Variants in SLC47A2 observed in about 807,000 individuals in gnomAD.
The protein encoded by SLC47A2 is multidrug and toxin extrusion protein 2.
Under a neutral mutation model 67.7 loss-of-function variants are expected in SLC47A2, and 52 were observed. The observed-to-expected ratio is 0.77, with a 90% CI of 0.61 to 0.97. SLC47A2 has a LOEUF of 0.97. Ranked by LOEUF, SLC47A2 falls within the 50% of genes least tolerant of loss-of-function variation. The pLI is 0.00. For synonymous variants in SLC47A2, 278 were observed against 292.9 expected, an observed-to-expected ratio of 0.95 and a Z score of 0.52; for missense variants, 676 against 712.3, an observed-to-expected ratio of 0.95 and a Z score of 0.58.
chr17:19,709,435 T>C (rs1198095128), intron 5 of SLC47A2, among the ~76,000 whole-genome samples: 1 of 152,146 alleles, frequency 6.6e-6, no homozygotes, highest in African/African-American at 2.4e-5. Flanking sequence ...TCTTCACTTA[T>C]TTTCAGCATA....
At chr17:19,706,818 G>T in intron 8 of SLC47A2, 57 bp from the exon 9 acceptor site, 1 of 1,367,962 alleles carries the variant, frequency 7.3e-7, no homozygotes, top group Non-Finnish European at 1.0e-6. Context: ...CCTCATTCCT[G>T]CTCCCCACTG....
chr17:19,708,843 A>G (rs1021445385), intron 5 of SLC47A2, 83 bp from the exon 6 acceptor site: 2 of 1,516,708 alleles, frequency 1.3e-6, no homozygotes, highest in African/African-American at 2.7e-5. Flanking sequence ...CCTTTCCAGG[A>G]CATAGTACCC....
At chr17:19,708,790 A>T in intron 5 of SLC47A2, 30 bp from the exon 6 acceptor site, 1 of 1,613,334 alleles carries the variant, frequency 6.2e-7, no homozygotes, top group Non-Finnish European at 8.5e-7. Context: ...AAACAAATCA[A>T]CAATAATGAC....
chr17:19,715,300 A>C (rs2086223588), intron 1 of SLC47A2, 83 bp from the exon 2 acceptor site: 2 of 1,282,822 alleles, frequency 1.6e-6, no homozygotes, highest in Non-Finnish European at 2.2e-6. Context: ...TCCAGCTTTG[A>C]GGGCCCCGCA....
intron 4 of SLC47A2, 51 bp downstream of exon 4, chr17:19,713,774 C>G: frequency 6.3e-7 from 1 of 1,578,032 alleles, no homozygotes; most frequent in South Asian, 1.1e-5. Context: ...TTTCCCTCGG[C>G]GGCCCGGGTT....
At chr17:19,716,179 G>C (rs760503193) in intron 1 of SLC47A2, 5 of 488,166 alleles carry the variant, frequency 1.0e-5, no homozygotes, top group Non-Finnish European at 1.8e-5. Context: ...TGGGTTTCCA[G>C]CTGAGGCACA....
Position 19,702,991 on chromosome 17 carries a change from C to T in SLC47A2, c.1094+101G>A, listed in dbSNP as rs537295262. On this transcript the variant is annotated intron_variant, in intron 12 of 16. Transcript: ENST00000433844. Reference sequence around the variant, plus strand: ...GCCAAGCCTGGGCTCTTCCTGCTTCCTTTGGGCCCAGCACTGAGCCAGGAA... The same window carrying T: ...GCCAAGCCTGGGCTCTTCCTGCTTCTTTTGGGCCCAGCACTGAGCCAGGAA... 149 of 1,321,426 alleles carry T rather than the reference C, an allele frequency of 1.1e-4. No homozygotes were observed. In the African/African-American group the frequency reaches 1.9e-3, roughly 17 times the overall value. The allele number at this position is 1,321,426 out of a possible 1,614,324, so 81.9% of individuals were successfully genotyped here. A position where few individuals can be genotyped will look rare whatever the true frequency, so the allele number is the denominator to read the frequency against.
rs1401212778 is a variant in SLC47A2, at chr17:19,713,888, C to T, written c.380G>A (p.Trp127Ter). Residue 127 changes from tryptophan (W) to a stop codon, truncating the protein, a stop_gained, in exon 4 of 17, where the codon TGG becomes TAG. Transcript: ENST00000433844. LOFTEE classifies it high-confidence loss of function. The part of the protein sequence containing the change: ...LVLLLCCLPC[W>*]ALFLNTQHIL... ...GTGCTGGGTGTTGAGGAAGAGCGCC[C>T]AGCAAGGGAGGCAGCAGAGGAGCAG... 1 of 1,613,724 alleles carries T rather than the reference C, an allele frequency of 6.2e-7. No homozygotes were observed.
At chr17:19,693,000 G>A (rs549775030) in intron 13 of SLC47A2, among the ~76,000 whole-genome samples, 1 of 152,078 alleles carries the variant, frequency 6.6e-6, no homozygotes, top group African/African-American at 2.4e-5. Context: ...GTGTGGTGGT[G>A]CGTGCCTGTA....
rs79276977 is a variant in SLC47A2, at chr17:19,702,623, G to A, written c.1146C>T (p.His382=). ...TACTTACACAGATGGCCTCAAACAC[G>A]TGAAAGACACTATAAACCGGCAAGA... ...SQVLPVYSVF[H]VFEAICCVYG... is the part of the protein sequence containing the mutation. The change falls in exon 13 of 17, where the codon CAC becomes CAT. Residue 382 remains histidine, a synonymous_variant. Coordinates refer to ENST00000433844, the MANE Select transcript of SLC47A2 (RefSeq NM_001099646.3). 9.3e-6 allele frequency: 15 copies of A among 1,613,792 alleles called. 1 individual carries two copies. The Middle Eastern group carries it at 4.9e-4, about 53-fold the overall frequency.
chr17:19,708,727 A>G lies in SLC47A2; in HGVS notation c.520T>C (p.Leu174=). ...CCAAAGACCTGTACCTGATTTTGCA[A>G]ATATTTTGCCAGCAGATTGTAAAGA... is the stretch of plus-strand genomic sequence containing the variant. ...IFLYNLLAKY[L]QNQKITWPQV... The change falls in exon 6 of 17, where the codon TTG becomes CTG. Residue 174 remains leucine, a synonymous_variant. Transcript: ENST00000433844. 1 of 1,613,986 alleles carries G rather than the reference A, an allele frequency of 6.2e-7. No individual in the cohort carries two copies. Among genetic ancestry groups the G allele is most frequent in the Non-Finnish European group, 8.5e-7 (1 of 1,180,040 alleles).
At chr17:19,715,314 G>T in intron 1 of SLC47A2, 97 bp from the exon 2 acceptor site, 1 of 1,101,052 alleles carries the variant, frequency 9.1e-7, no homozygotes, top group Non-Finnish European at 1.3e-6. Flanking sequence ...CCCCGCACCA[G>T]TGCCCCGAGA....
At chr17:19,716,078 C>A in intron 1 of SLC47A2, 1 of 229,542 alleles carries the variant, frequency 4.4e-6, no homozygotes, top group African/African-American at 2.3e-5. Flanking sequence ...AATGGGTAGC[C>A]GGCCCCTTCT....
rs565026578 is a variant in SLC47A2 at position 19,681,226 on chromosome 17, CAAAA to C, written c.1392+137_1392+140del. On this transcript the variant is annotated intron_variant, in intron 15 of 16. Transcript: ENST00000433844. ...AGACTCCATCTCACAAACAAACAAA[CAAAA>C]AAAAAAAACACCTGCAGCTTATACC... 1.2e-3 allele frequency: 734 copies of C among 600,062 alleles called. 3 individuals carry two copies. Among genetic ancestry groups the C allele is most frequent in the Non-Finnish European group, 1.8e-3 (623 of 354,978 alleles). The allele number at this position is 600,062 out of a possible 1,614,324, so 37.2% of individuals were successfully genotyped here. A position where few individuals can be genotyped will look rare whatever the true frequency, so the allele number is the denominator to read the frequency against.
intron 5 of SLC47A2, 64 bp downstream of exon 5, chr17:19,712,639 G>T: frequency 6.5e-7 from 1 of 1,548,766 alleles, no homozygotes; most frequent in South Asian, 1.2e-5. Flanking sequence ...CAGATAGAGT[G>T]GGAAAGCAAA....
intron 13 of SLC47A2, among the ~76,000 whole-genome samples, chr17:19,699,085 A>G (rs1387692614): frequency 6.6e-6 from 1 of 152,192 alleles, no homozygotes; most frequent in African/African-American, 2.4e-5. Flanking sequence ...TGGTGAAAGA[A>G]TAGACAAAAA....
At chr17:19,700,966 G>T (rs2085770921) in intron 13 of SLC47A2, among the ~76,000 whole-genome samples, 1 of 150,894 alleles carries the variant, frequency 6.6e-6, no homozygotes, top group Non-Finnish European at 1.5e-5. Context: ...TCAGGAGTTT[G>T]AGACTAGCCT....
At chr17:19,711,842 T>A (rs766922877) in intron 5 of SLC47A2, among the ~76,000 whole-genome samples, 15 of 152,144 alleles carry the variant, frequency 9.9e-5, no homozygotes, top group Admixed American at 1.3e-4. Context: ...GATTTTTTTT[T>A]AAGAATATTT....
intron 1 of SLC47A2, 85 bp from the exon 2 acceptor site, chr17:19,715,302 G>T: frequency 7.9e-7 from 1 of 1,271,532 alleles, no homozygotes; most frequent in Non-Finnish European, 1.1e-6. Context: ...CAGCTTTGAG[G>T]GCCCCGCACC....
Sources: allele counts gnomAD v4.1 joint callset (sites outside exome capture counted in the v4.1 genomes callset), GRCh38; gene constraint gnomAD v4.1.1; transcripts MANE v1.5; gene names NCBI Gene and HGNC (gene_info 2026-07-23, HGNC 2026-07-21).